CNKSR3: variants seen among roughly 807,000 people sequenced by gnomAD.
CNKSR3 encodes connector enhancer of kinase suppressor of ras 3.
A neutral mutation model predicts 67.7 loss-of-function variants in CNKSR3; 36 were observed. The observed-to-expected ratio is 0.53, with a 90% CI of 0.41 to 0.70. The LOEUF (loss-of-function observed/expected upper bound fraction) is 0.70, where lower values mean the gene tolerates loss of function less well. Ranked by LOEUF, CNKSR3 falls within the 30% of genes least tolerant of loss-of-function variation. CNKSR3 has a pLI of 0.00. For synonymous variants in CNKSR3, 281 were observed against 271.4 expected (o/e 1.04, Z -0.35); for missense variants, 630 against 695.2 (o/e 0.91, Z 1.05).
chr6:154,474,086 G>A (rs1052451369), intron 1 of CNKSR3, among the ~76,000 whole-genome samples: 6 of 145,440 alleles, frequency 4.1e-5, no homozygotes, highest in Non-Finnish European at 9.0e-5. Context: ...AATGGCAATA[G>A]TTATCACACC....
intron 2 of CNKSR3, among the ~76,000 whole-genome samples, chr6:154,448,561 C>T (rs1785757923): frequency 6.6e-6 from 1 of 151,672 alleles, no homozygotes; most frequent in South Asian, 2.1e-4. Flanking sequence ...ATGGGAAAAA[C>T]AGACATCACC....
chr6:154,471,029 T>C (rs571512704), intron 1 of CNKSR3, among the ~76,000 whole-genome samples: 23 of 152,280 alleles, frequency 1.5e-4, no homozygotes, highest in African/African-American at 5.3e-4. Context: ...CATCCAAATT[T>C]TAAGTAGGTC....
chr6:154,451,473 G>GCA (rs1349173088), intron 1 of CNKSR3, among the ~76,000 whole-genome samples: 1 of 150,198 alleles, frequency 6.7e-6, no homozygotes, highest in African/African-American at 2.4e-5. Context: ...CACCAAACGC[G>GCA]CACACACACA....
rs776948757 is a variant in CNKSR3, at chr6:154,414,440, A to G, written c.946-17T>C. The stretch of plus-strand genomic sequence containing the variant: ...AGGTGAGGTCTGAAACAGGAGTAAC[A>G]CAGCAATGCAAAGAGTGGAGATCAA... On this transcript the variant is annotated splice_polypyrimidine_tract_variant and intron_variant, in intron 9 of 12. Transcript: ENST00000607772. The G allele has an allele frequency of 6.4e-7, 1 of 1,571,906 alleles. No individual in the cohort carries two copies. The highest frequency in any genetic ancestry group is 8.6e-7 in the Non-Finnish European group (1 of 1,162,160).
At chr6:154,502,491 C>T (rs1375231549) in intron 1 of CNKSR3, among the ~76,000 whole-genome samples, 1 of 152,094 alleles carries the variant, frequency 6.6e-6, no homozygotes, top group East Asian at 1.9e-4. Context: ...GCCACCACAC[C>T]CAGCCTCCCA....
In CNKSR3 at chr6:154,510,433, CG is replaced by C. The variant is rs1280736178; in HGVS notation, c.-320del. On this transcript the variant is annotated 5_prime_UTR_variant, in exon 1 of 13. Transcript: ENST00000607772. ...GGCTGCGACCCCAGACCCCTGGCCT[CG>C]GCTCGGCACGGGAGCCTCCCGGCCC... 12 of 414,110 alleles carry C rather than the reference CG, an allele frequency of 2.9e-5. 1 individual carries two copies. Among genetic ancestry groups the C allele is most frequent in the Middle Eastern group, 1.3e-3 (2 of 1,550 alleles). 25.7% of individuals were successfully genotyped at this position (414,110 alleles called of 1,614,324 possible). A position where few individuals can be genotyped will look rare whatever the true frequency, so the allele number is the denominator to read the frequency against.
intron 1 of CNKSR3, among the ~76,000 whole-genome samples, chr6:154,493,875 C>T (rs528627189): frequency 6.6e-6 from 1 of 152,200 alleles, no homozygotes; most frequent in East Asian, 1.9e-4. Context: ...AGTCACCTCC[C>T]ACCAGGTCCC....
intron 1 of CNKSR3, among the ~76,000 whole-genome samples, chr6:154,503,167 A>G (rs1271819296): frequency 6.6e-6 from 1 of 152,058 alleles, no homozygotes; most frequent in Admixed American, 6.5e-5. Flanking sequence ...AGTGTGGTAA[A>G]CCCCGTGTGG....
chr6:154,489,415 C>T (rs1207704239), intron 1 of CNKSR3, among the ~76,000 whole-genome samples: 1 of 152,132 alleles, frequency 6.6e-6, no homozygotes, highest in East Asian at 1.9e-4. Context: ...CCTGTAGTCC[C>T]AGCTACTTGG....
chr6:154,433,658 T>A (rs994392514), intron 4 of CNKSR3, 151 bp from the exon 5 acceptor site: 4 of 626,022 alleles, frequency 6.4e-6, no homozygotes, highest in African/African-American at 5.6e-5. Flanking sequence ...GGGATGGGAA[T>A]GAGAGGGCAG....
intron 7 of CNKSR3, among the ~76,000 whole-genome samples, 170 bp downstream of exon 7, chr6:154,427,958 A>G (rs1785287751): frequency 6.6e-6 from 1 of 152,190 alleles, no homozygotes; most frequent in African/African-American, 2.4e-5. Context: ...TAATAGATTG[A>G]CAACAGCTGG....
intron 1 of CNKSR3, among the ~76,000 whole-genome samples, chr6:154,509,037 T>TAC (rs146462468): frequency 0.029 from 4,394 of 152,222 alleles, 158 homozygotes; most frequent in East Asian, 0.19. Flanking sequence ...TGTAAAGCGC[T>TAC]ACACAATTCT....
At chr6:154,438,638 T>C (rs753972351) in intron 4 of CNKSR3, among the ~76,000 whole-genome samples, 18 of 152,174 alleles carry the variant, frequency 1.2e-4, no homozygotes, top group Non-Finnish European at 2.2e-4. Context: ...TAGCTGCCTC[T>C]CTCTGAAGAA....
rs901178224 is a variant in CNKSR3, at chr6:154,397,791, C to T, written c.*8563G>A. 2 of 152,088 alleles carry T rather than the reference C, an allele frequency of 1.3e-5. No individual in the cohort carries two copies. The highest frequency in any genetic ancestry group is 2.4e-5 in the African/African-American group (1 of 41,354). The allele number at this position is 152,088 out of a possible 1,614,324, so 9.4% of individuals were successfully genotyped here. ...AGATGCACAGGGCAGACAGTACAGC[C>T]TGCAACTGTGATGGAATTAACAGGG... On this transcript the variant is annotated 3_prime_UTR_variant, in exon 13 of 13. Coordinates refer to ENST00000607772, the MANE Select transcript of CNKSR3 (RefSeq NM_173515.4).
rs1784695804 is a variant in CNKSR3 at position 154,399,625 on chromosome 6, TCCTCAAATC to T, written c.*6720_*6728del. 1 of 151,956 alleles carries T rather than the reference TCCTCAAATC, an allele frequency of 6.6e-6. No homozygotes were observed. The highest frequency in any genetic ancestry group is 2.4e-5 in the African/African-American group (1 of 41,366). The allele number at this position is 151,956 out of a possible 1,614,324, so 9.4% of individuals were successfully genotyped here. A position where few individuals can be genotyped will look rare whatever the true frequency, so the allele number is the denominator to read the frequency against. ...CAAAGGCTTCTAAATTCGCGCTAAT[TCCTCAAATC>T]CCTCCTCTTATCCTGGTGCAGCCTC... On this transcript the variant is annotated 3_prime_UTR_variant, in exon 13 of 13. Coordinates refer to ENST00000607772, the MANE Select transcript of CNKSR3 (RefSeq NM_173515.4).
chr6:154,473,465 C>A (rs1483310770), intron 1 of CNKSR3, among the ~76,000 whole-genome samples: 1 of 152,100 alleles, frequency 6.6e-6, no homozygotes, highest in Non-Finnish European at 1.5e-5. Context: ...ATCTGAAGCC[C>A]AAGCTGTCTG....
At chr6:154,481,436 G>A (rs1786565807) in intron 1 of CNKSR3, among the ~76,000 whole-genome samples, 1 of 152,174 alleles carries the variant, frequency 6.6e-6, no homozygotes, top group Non-Finnish European at 1.5e-5. Context: ...ATTTATAGCA[G>A]TCTTATGCTT....
At chr6:154,475,392 T>A (rs1326730254) in intron 1 of CNKSR3, among the ~76,000 whole-genome samples, 1 of 152,068 alleles carries the variant, frequency 6.6e-6, no homozygotes. Flanking sequence ...GACCCAGCAA[T>A]AATCCACCCT....
At chr6:154,456,190 C>T (rs1487275322) in intron 1 of CNKSR3, among the ~76,000 whole-genome samples, 1 of 152,164 alleles carries the variant, frequency 6.6e-6, no homozygotes, top group Non-Finnish European at 1.5e-5. Context: ...CTCAAGTTGG[C>T]AGAAGCTACA....
Sources: allele counts gnomAD v4.1 joint callset (sites outside exome capture counted in the v4.1 genomes callset), GRCh38; gene constraint gnomAD v4.1.1; transcripts MANE v1.5; gene names NCBI Gene and HGNC (gene_info 2026-07-23, HGNC 2026-07-21).